The following CNTNAP2 variants were observed in gnomAD, a reference collection of about 807,000 sequenced individuals.
The protein encoded by CNTNAP2 is contactin-associated protein-like 2.
In CNTNAP2, 98 loss-of-function variants were observed where a neutral mutation model predicts 155.2. The observed-to-expected ratio is 0.63, with a 90% CI of 0.54 to 0.75. The LOEUF is 0.75. Ranked by LOEUF, CNTNAP2 falls within the 30% of genes least tolerant of loss-of-function variation. The pLI is 0.00. For synonymous variants in CNTNAP2, 651 were observed against 631.2 expected, an observed-to-expected ratio of 1.03 and a Z score of -0.47; for missense variants, 1,727 against 1,688.1, an observed-to-expected ratio of 1.02 and a Z score of -0.40.
At chr7:146,516,487 G>T (rs375221782) in intron 1 of CNTNAP2, among the ~76,000 whole-genome samples, 1 of 151,890 alleles carries the variant, frequency 6.6e-6, no homozygotes, top group Non-Finnish European at 1.5e-5. Flanking sequence ...TTTACAGCAG[G>T]ATGGTCTGGG....
chr7:147,807,175 T>C (rs2116600792), intron 13 of CNTNAP2, among the ~76,000 whole-genome samples: 1 of 151,460 alleles, frequency 6.6e-6, no homozygotes, highest in South Asian at 2.1e-4. Context: ...TTTAAAAAAT[T>C]AGCTTGGCAT....
chr7:146,411,839 T>C (rs1795869823), intron 1 of CNTNAP2, among the ~76,000 whole-genome samples: 1 of 121,314 alleles, frequency 8.2e-6, no homozygotes, highest in East Asian at 2.1e-4. Flanking sequence ...TATTTATTTA[T>C]TTATTTATTT....
intron 21 of CNTNAP2, among the ~76,000 whole-genome samples, chr7:148,353,458 A>C (rs889050330): frequency 6.6e-6 from 1 of 152,234 alleles, no homozygotes; most frequent in African/African-American, 2.4e-5. Context: ...TTAAAAAAAC[A>C]AAGCAAGCTT....
intron 15 of CNTNAP2, among the ~76,000 whole-genome samples, chr7:148,068,589 T>G (rs10226603): frequency 0.034 from 5,223 of 152,288 alleles, 299 homozygotes; most frequent in East Asian, 0.28. Context: ...GGGATGAAAT[T>G]AACTTATTGA....
intron 8 of CNTNAP2, among the ~76,000 whole-genome samples, chr7:147,152,801 T>G (rs1801852770): frequency 6.6e-6 from 1 of 152,148 alleles, no homozygotes; most frequent in African/African-American, 2.4e-5. Flanking sequence ...AAAGAAATCT[T>G]ACAGATCAGA....
intron 9 of CNTNAP2, among the ~76,000 whole-genome samples, chr7:147,338,644 G>T (rs113380532): frequency 6.6e-6 from 1 of 151,958 alleles, no homozygotes; most frequent in Non-Finnish European, 1.5e-5. Context: ...AACTGAAAAC[G>T]TTACAGAGAA....
At chr7:146,420,053 G>A (rs539486421) in intron 1 of CNTNAP2, among the ~76,000 whole-genome samples, 1 of 152,088 alleles carries the variant, frequency 6.6e-6, no homozygotes, top group African/African-American at 2.4e-5. Context: ...CCACCCTCTA[G>A]GAAGAGAAGA....
intron 21 of CNTNAP2, chr7:148,339,426 C>G (rs1426799087): frequency 6.6e-6 from 1 of 152,346 alleles, no homozygotes; most frequent in African/African-American, 2.4e-5. Flanking sequence ...TAGCGCTCCA[C>G]CCCGGGTTTT....
At chr7:147,981,679 C>T (rs1384134369) in intron 15 of CNTNAP2, among the ~76,000 whole-genome samples, 2 of 152,008 alleles carry the variant, frequency 1.3e-5, no homozygotes, top group African/African-American at 2.4e-5. Flanking sequence ...TGCTTTGATT[C>T]GTCTGAACTC....
intron 21 of CNTNAP2, among the ~76,000 whole-genome samples, chr7:148,367,161 G>C (rs1798798859): frequency 1.3e-5 from 2 of 152,000 alleles, no homozygotes; most frequent in African/African-American, 2.4e-5. Flanking sequence ...AACCTGGGAA[G>C]CAGAGATTGC....
intron 21 of CNTNAP2, among the ~76,000 whole-genome samples, chr7:148,284,946 A>G (rs2116469809): frequency 6.6e-6 from 1 of 152,342 alleles, no homozygotes; most frequent in South Asian, 2.1e-4. Context: ...ACATGGCCAC[A>G]TTTGGGAAGA....
At chr7:146,590,368 A>G (rs1798762932) in intron 1 of CNTNAP2, among the ~76,000 whole-genome samples, 1 of 152,114 alleles carries the variant, frequency 6.6e-6, no homozygotes, top group South Asian at 2.1e-4. Context: ...TTTTTTGATG[A>G]ATGTTTATCT....
intron 8 of CNTNAP2, among the ~76,000 whole-genome samples, chr7:147,217,916 T>A (rs2116586680): frequency 6.6e-6 from 1 of 152,114 alleles, no homozygotes; most frequent in Middle Eastern, 3.4e-3. Context: ...ATCTAGGTTA[T>A]CAAAGTTTTG....
intron 13 of CNTNAP2, among the ~76,000 whole-genome samples, chr7:147,652,435 C>T (rs1169276323): frequency 6.6e-6 from 1 of 151,990 alleles, no homozygotes; most frequent in African/African-American, 2.4e-5. Context: ...TAATTATCTC[C>T]AAATTAGATC....
At chr7:146,966,114 G>A (rs754657584) in intron 3 of CNTNAP2, among the ~76,000 whole-genome samples, 3 of 152,160 alleles carry the variant, frequency 2.0e-5, no homozygotes, top group Non-Finnish European at 2.9e-5. Flanking sequence ...TAATGGAAAC[G>A]TAAATTATTT....
chr7:147,811,051 T>A (rs1319772100), intron 13 of CNTNAP2, among the ~76,000 whole-genome samples: 1 of 152,218 alleles, frequency 6.6e-6, no homozygotes. Context: ...TTAGTCTTGT[T>A]CTCCAGTTTT....
Position 146,914,998 on chromosome 7 carries a change from G to T in CNTNAP2, c.402+75094G>T, listed in dbSNP as rs558856373. On this transcript the variant is annotated intron_variant, in intron 3 of 23. Transcript: ENST00000361727. ...CCATCTTGAGTTAATTTTTGTATAA[G>T]GTGAGAGATGAGGATCCAGTTTTCT... Among the ~76,000 whole-genome samples, 5 of 151,988 alleles carry T rather than the reference G, an allele frequency of 3.3e-5. No individual in the cohort carries two copies. In the South Asian group the frequency reaches 8.3e-4, roughly 25 times the overall value.
At chr7:146,229,696 T>G (rs974488344) in intron 1 of CNTNAP2, among the ~76,000 whole-genome samples, 1 of 149,080 alleles carries the variant, frequency 6.7e-6, no homozygotes, top group South Asian at 2.2e-4. Flanking sequence ...CTGCTCCAGT[T>G]TATTTTTCAG....
chr7:148,123,189 A>C (rs563013374), intron 16 of CNTNAP2, among the ~76,000 whole-genome samples: 6 of 152,336 alleles, frequency 3.9e-5, no homozygotes, highest in Admixed American at 3.3e-4. Flanking sequence ...TTAGAGGATC[A>C]GGAAATAAGC....
Sources: gnomAD v4.1 joint callset for allele counts (sites outside exome capture counted in the v4.1 genomes callset) on GRCh38, gnomAD v4.1.1 for gene constraint, MANE v1.5 for transcripts, NCBI Gene and HGNC (gene_info 2026-07-23, HGNC 2026-07-21) for gene names.